Variants in GDPD1 observed in about 807,000 individuals in gnomAD.
GDPD1 encodes the protein lysophospholipase D GDPD1.
GDPD1 carries 28 observed loss-of-function variants against 45.1 expected under a neutral mutation model. The ratio of observed to expected loss-of-function variants is 0.62; its 90% CI spans 0.46 to 0.85. The LOEUF is 0.85. Ranked by LOEUF, GDPD1 falls within the 40% of genes least tolerant of loss-of-function variation. The pLI is 0.00. For missense variants in GDPD1, 256 were observed against 364.8 expected, an observed-to-expected ratio of 0.70 and a Z score of 2.43; for synonymous variants, 139 against 131.4, an observed-to-expected ratio of 1.06 and a Z score of -0.40.
chr17:59,253,963 A>G (rs1453125184), intron 4 of GDPD1, among the ~76,000 whole-genome samples: 1 of 151,748 alleles, frequency 6.6e-6, no homozygotes, highest in East Asian at 1.9e-4. Context: ...GATAATGCCT[A>G]TAATCCCAGC....
At position 59,274,132 on chromosome 17, in the gene GDPD1, CTAGGTTAT is replaced by C; in HGVS notation, c.*360_*367del. 1.3e-6 allele frequency: 1 copy of C among 790,058 alleles called. No individual in the cohort carries two copies. The highest frequency in any genetic ancestry group is 1.5e-6 in the Non-Finnish European group (1 of 653,258). 48.9% of individuals were successfully genotyped at this position (790,058 alleles called of 1,614,324 possible). A position where few individuals can be genotyped will look rare whatever the true frequency, so the allele number is the denominator to read the frequency against. Reference sequence around the variant, plus strand: ...GAAATCTTGATCAATAACCTAGAAACTAGGTTATCTAGGTTATTGATCAAGATTTCTGT... The same window carrying C: ...GAAATCTTGATCAATAACCTAGAAACCTAGGTTATTGATCAAGATTTCTGT... On this transcript the variant is annotated 3_prime_UTR_variant, in exon 10 of 10. Transcript: ENST00000284116.
At chr17:59,254,137 G>A (rs576591105) in intron 4 of GDPD1, among the ~76,000 whole-genome samples, 10 of 151,528 alleles carry the variant, frequency 6.6e-5, no homozygotes, top group African/African-American at 2.2e-4. Context: ...TGAGACAGGC[G>A]GATCACCTGA....
At chr17:59,246,042 T>G (rs963293262) in intron 3 of GDPD1, among the ~76,000 whole-genome samples, 15 of 151,062 alleles carry the variant, frequency 9.9e-5, no homozygotes, top group African/African-American at 3.6e-4. Context: ...ATCACTTGAA[T>G]CTGGGAGGTG....
chr17:59,247,601 A>C lies in GDPD1; in HGVS notation c.322-1139A>C, dbSNP rs556722328. Among the ~76,000 whole-genome samples the C allele has an allele frequency of 2.8e-4, 43 of 152,182 alleles. 1 individual carries two copies. The South Asian group carries it at 8.7e-3, about 31-fold the overall frequency. On this transcript the variant is annotated intron_variant, in intron 3 of 9. Coordinates refer to ENST00000284116, the MANE Select transcript of GDPD1 (RefSeq NM_182569.4). Reference sequence around the variant, plus strand: ...GATTGATGGACATTGGATTAGTTCTAAGTTTTCACCATTGTAGATAACACT... The same window carrying C: ...GATTGATGGACATTGGATTAGTTCTCAGTTTTCACCATTGTAGATAACACT...
Position 59,234,424 on chromosome 17 carries a change from T to C in GDPD1, c.143-68T>C, listed in dbSNP as rs532969738. 326 of 996,468 alleles carry C rather than the reference T, an allele frequency of 3.3e-4. 3 individuals are homozygous for C. The South Asian group carries it at 4.3e-3, about 13-fold the overall frequency. 61.7% of individuals were successfully genotyped at this position (996,468 alleles called of 1,614,324 possible). A position where few individuals can be genotyped will look rare whatever the true frequency, so the allele number is the denominator to read the frequency against. On this transcript the variant is annotated intron_variant, in intron 1 of 9. Transcript: ENST00000284116. Reference sequence around the variant, plus strand: ...AAAGGTCAAGATTCATTAGGTGTATTTTATTAAAATTAACTTCAGGAAAAT... The same window carrying C: ...AAAGGTCAAGATTCATTAGGTGTATCTTATTAAAATTAACTTCAGGAAAAT...
In GDPD1 at chr17:59,257,213, A is replaced by G. The variant is rs2047316124; in HGVS notation, c.459A>G (p.Lys153=). ...ACACTCCCATTAACATCGATATCAA[A>G]GTCAACAACAATGTGCTGATTAAGA... ...FPNTPINIDI[K]VNNNVLIKKV... The change falls in exon 5 of 10, where the codon AAA becomes AAG. Residue 153 remains lysine (K), a synonymous_variant. Coordinates refer to ENST00000284116, the MANE Select transcript of GDPD1 (RefSeq NM_182569.4). The G allele has an allele frequency of 7.5e-6, 12 of 1,594,490 alleles. No homozygotes were observed. Among genetic ancestry groups the G allele is most frequent in the Non-Finnish European group, 9.4e-6 (11 of 1,168,620 alleles).
intron 2 of GDPD1, among the ~76,000 whole-genome samples, chr17:59,239,049 A>G (rs559774181): frequency 7.9e-4 from 121 of 152,340 alleles, no homozygotes; most frequent in African/African-American, 2.7e-3. Flanking sequence ...GGACAATGTG[A>G]TACCTATAGT....
At position 59,246,125 on chromosome 17, in the gene GDPD1, A is replaced by G. The variant is rs138925003; in HGVS notation, c.321+576A>G. Reference sequence around the variant, plus strand: ...AGAGTGAGACTCTGTCTCAAAAAAAAAAAAGATTATTATAACGTATATATT... The same window carrying G: ...AGAGTGAGACTCTGTCTCAAAAAAAGAAAAGATTATTATAACGTATATATT... On this transcript the variant is annotated intron_variant, in intron 3 of 9. Transcript: ENST00000284116. Among the ~76,000 whole-genome samples, 467 of 152,170 alleles carry G rather than the reference A, an allele frequency of 3.1e-3. 3 individuals carry two copies. The highest frequency in any genetic ancestry group is 0.011 in the African/African-American group (455 of 41,538).
intron 4 of GDPD1, among the ~76,000 whole-genome samples, chr17:59,249,923 A>G (rs1348327518): frequency 6.6e-6 from 1 of 151,996 alleles, no homozygotes; most frequent in Non-Finnish European, 1.5e-5. Flanking sequence ...GGTGACGTAC[A>G]CCTCTAGTCC....
intron 1 of GDPD1, among the ~76,000 whole-genome samples, chr17:59,224,153 A>G (rs1275675344): frequency 6.6e-6 from 1 of 152,224 alleles, no homozygotes; most frequent in Non-Finnish European, 1.5e-5. Flanking sequence ...GATTCAATGA[A>G]TCAATAGTTT....
In GDPD1 at chr17:59,255,782, T is replaced by C. The variant is rs1260888102; in HGVS notation, c.368-1340T>C. Among the ~76,000 whole-genome samples the C allele has an allele frequency of 2.6e-5, 2 of 78,016 alleles. 1 individual carries two copies. The highest frequency in any genetic ancestry group is 1.6e-4 in the African/African-American group (2 of 12,150). 51.2% of individuals were successfully genotyped at this position (78,016 alleles called of 152,430 possible). On this transcript the variant is annotated intron_variant, in intron 4 of 9. Coordinates refer to ENST00000284116, the MANE Select transcript of GDPD1 (RefSeq NM_182569.4). ...AAAAAAATATATATATATATATATA[T>C]ATACGCGTATATATGTATATATATA... is the stretch of plus-strand genomic sequence containing the variant.
rs747557922 is a variant in GDPD1 at position 59,257,109 on chromosome 17, C to T, written c.368-13C>T. The T allele has an allele frequency of 7.5e-7, 1 of 1,338,382 alleles. No individual in the cohort carries two copies. The highest frequency in any genetic ancestry group is 1.5e-5 in the African/African-American group (1 of 67,968). 82.9% of individuals were successfully genotyped at this position (1,338,382 alleles called of 1,614,324 possible). A position where few individuals can be genotyped will look rare whatever the true frequency, so the allele number is the denominator to read the frequency against. On this transcript the variant is annotated splice_polypyrimidine_tract_variant and intron_variant, in intron 4 of 9. Transcript: ENST00000284116. ...ATATTTAAAAAATACATTTAAAAAT[C>T]TTGCTTTCTCAGCATGCCAGTGTGA...
At chr17:59,255,265 T>G (rs532736378) in intron 4 of GDPD1, among the ~76,000 whole-genome samples, 2 of 152,170 alleles carry the variant, frequency 1.3e-5, no homozygotes, top group Non-Finnish European at 2.9e-5. Flanking sequence ...TTATATAGTA[T>G]GTATAGTAAA....
chr17:59,242,203 C>T (rs1407410062), intron 2 of GDPD1, among the ~76,000 whole-genome samples: 3 of 152,252 alleles, frequency 2.0e-5, no homozygotes, highest in East Asian at 1.9e-4. Context: ...GCTGGGATTA[C>T]AGGCTTGTGC....
intron 1 of GDPD1, 88 bp from the exon 2 acceptor site, chr17:59,234,403 GT>G: frequency 1.3e-6 from 1 of 778,756 alleles, no homozygotes; most frequent in East Asian, 2.8e-5. Flanking sequence ...AAAAAAAAAG[GT>G]CAAGATTCAT....
rs1335963229 is a variant in GDPD1, at chr17:59,220,541, C to A, written c.-69C>A. 2 of 1,536,896 alleles carry A rather than the reference C, an allele frequency of 1.3e-6. No individual in the cohort carries two copies. Among genetic ancestry groups the A allele is most frequent in the Non-Finnish European group, 8.8e-7 (1 of 1,130,976 alleles). ...GACCTCGAGCAGCCGCCGCCGCCGCCGTCGTTGCTACTGCCGCAGCGGAGT... is the reference window on the plus strand; with the variant it reads ...GACCTCGAGCAGCCGCCGCCGCCGCAGTCGTTGCTACTGCCGCAGCGGAGT... On this transcript the variant is annotated 5_prime_UTR_variant, in exon 1 of 10. Transcript: ENST00000284116.
chr17:59,271,914 T>G (rs571702821), intron 8 of GDPD1, among the ~76,000 whole-genome samples: 1 of 152,008 alleles, frequency 6.6e-6, no homozygotes, highest in Non-Finnish European at 1.5e-5. Flanking sequence ...GGATTACAGG[T>G]GTGAGCCACC....
intron 5 of GDPD1, 65 bp from the exon 6 acceptor site, chr17:59,257,686 A>T: frequency 1.1e-6 from 1 of 942,070 alleles, no homozygotes; most frequent in Non-Finnish European, 1.7e-6. Flanking sequence ...TCATTTTTTA[A>T]GTGAAATGTT....
At chr17:59,243,693 C>A (rs757246334) in intron 2 of GDPD1, among the ~76,000 whole-genome samples, 4 of 152,124 alleles carry the variant, frequency 2.6e-5, no homozygotes, top group Non-Finnish European at 2.9e-5. Context: ...TTCAGATATA[C>A]CCCAACAATG....
Sources: gnomAD v4.1 joint callset for allele counts (sites outside exome capture counted in the v4.1 genomes callset) on GRCh38, gnomAD v4.1.1 for gene constraint, MANE v1.5 for transcripts, NCBI Gene and HGNC (gene_info 2026-07-23, HGNC 2026-07-21) for gene names.